Variants in PIK3C2G observed in about 807,000 individuals in gnomAD.
The protein encoded by PIK3C2G is phosphatidylinositol 3-kinase C2 domain-containing subunit gamma.
Under a neutral mutation model 181.1 loss-of-function variants are expected in PIK3C2G, and 168 were observed. The ratio of observed to expected loss-of-function variants is 0.93; its 90% CI spans 0.82 to 1.05. The LOEUF (loss-of-function observed/expected upper bound fraction) is 1.05. Ranked by LOEUF, PIK3C2G falls within the 50% of genes least tolerant of loss-of-function variation. The pLI is 0.00. For synonymous variants in PIK3C2G, 573 were observed against 592.2 expected (o/e 0.97, Z 0.47); for missense variants, 1,869 against 1,732.8 (o/e 1.08, Z -1.40).
At chr12:18,716,386 A>G in the PIK3C2G span, among the ~76,000 whole-genome samples, 1,794 of 152,298 alleles carry the variant, frequency 0.012, 50 homozygotes, top group African/African-American at 0.042. Flanking sequence ...TTCAGACTAC[A>G]TGGTTTGGTC....
At chr12:18,676,051 A>G in the PIK3C2G span, among the ~76,000 whole-genome samples, 10 of 152,078 alleles carry the variant, frequency 6.6e-5, no homozygotes, top group Non-Finnish European at 1.0e-4. Context: ...AAATTATACC[A>G]TCAACACGAG....
the PIK3C2G span, chr12:18,693,129 G>A: frequency 6.6e-7 from 1 of 1,517,814 alleles, no homozygotes; most frequent in Non-Finnish European, 9.1e-7. Context: ...GATCATTGAT[G>A]ACAATCATGC....
chr12:18,332,372 A>G lies in PIK3C2G; in HGVS notation c.1273-6054A>G, dbSNP rs1405633959. 3.3e-5 allele frequency among the ~76,000 whole-genome samples: 5 copies of G among 152,130 alleles called. No individual in the cohort carries two copies. The East Asian group carries it at 9.7e-4, about 30-fold the overall frequency. On this transcript the variant is annotated intron_variant, in intron 8 of 32. Coordinates refer to ENST00000538779, the MANE Select transcript of PIK3C2G (RefSeq NM_001288772.2). ...CTATTTTGGCAGTGGGGACAAGGAGAGTTCTGTGTTGTAATGAACCAGTCA... is the reference window on the plus strand; with the variant it reads ...CTATTTTGGCAGTGGGGACAAGGAGGGTTCTGTGTTGTAATGAACCAGTCA...
chr12:18,484,059 C>T (rs902814888), intron 18 of PIK3C2G, among the ~76,000 whole-genome samples: 1 of 152,168 alleles, frequency 6.6e-6, no homozygotes, highest in African/African-American at 2.4e-5. Flanking sequence ...CCATTTAAAG[C>T]GTCTCCATGG....
At chr12:18,437,107 C>G (rs185546331) in intron 18 of PIK3C2G, among the ~76,000 whole-genome samples, 1 of 151,870 alleles carries the variant, frequency 6.6e-6, no homozygotes, top group South Asian at 2.1e-4. Flanking sequence ...TGTGAAGACT[C>G]AGAGTTCTCT....
chr12:18,601,555 A>G (rs982006787), intron 30 of PIK3C2G, among the ~76,000 whole-genome samples: 1 of 152,128 alleles, frequency 6.6e-6, no homozygotes, highest in Non-Finnish European at 1.5e-5. Context: ...AGGGTTCTAT[A>G]CTACGTAGGA....
intron 16 of PIK3C2G, among the ~76,000 whole-genome samples, chr12:18,405,355 A>G (rs1944465295): frequency 6.6e-6 from 1 of 152,130 alleles, no homozygotes; most frequent in South Asian, 2.1e-4. Flanking sequence ...GAGGAAGTAT[A>G]GAAAGAGGCC....
At chr12:18,364,714 A>T (rs1456056321) in intron 12 of PIK3C2G, among the ~76,000 whole-genome samples, 1 of 152,094 alleles carries the variant, frequency 6.6e-6, no homozygotes, top group African/African-American at 2.4e-5. Context: ...CCTGGCCAAC[A>T]TGGTGAAACT....
chr12:18,519,102 G>A (rs1214997566), intron 24 of PIK3C2G, among the ~76,000 whole-genome samples: 2 of 152,034 alleles, frequency 1.3e-5, no homozygotes, highest in African/African-American at 4.8e-5. Flanking sequence ...GAGAGATCGT[G>A]TTATGATTTC....
chr12:18,294,164 T>C (rs1949835719), intron 5 of PIK3C2G, 149 bp downstream of exon 5: 1 of 544,874 alleles, frequency 1.8e-6, no homozygotes, highest in African/African-American at 2.0e-5. Flanking sequence ...GAATTTGAAA[T>C]TTTCTAAATC....
the PIK3C2G span, among the ~76,000 whole-genome samples, chr12:18,691,895 A>G: frequency 1.3e-5 from 2 of 152,184 alleles, no homozygotes; most frequent in African/African-American, 4.8e-5. Context: ...GGATCATTCT[A>G]GTCCTGGTCA....
At chr12:18,718,358 C>T in the PIK3C2G span, among the ~76,000 whole-genome samples, 2 of 152,212 alleles carry the variant, frequency 1.3e-5, no homozygotes, top group East Asian at 3.9e-4. Context: ...CATTCCTCCA[C>T]ATTATTGAAT....
intron 18 of PIK3C2G, among the ~76,000 whole-genome samples, chr12:18,452,839 G>A (rs1338315193): frequency 6.6e-6 from 1 of 152,124 alleles, no homozygotes. Context: ...AGTCATTCAG[G>A]AGCAGGTTGT....
chr12:18,370,276 A>G (rs188548024), intron 12 of PIK3C2G, among the ~76,000 whole-genome samples: 27 of 152,260 alleles, frequency 1.8e-4, no homozygotes, highest in East Asian at 1.2e-3. Flanking sequence ...CCTTCTGGAC[A>G]CTTCCTTACA....
chr12:18,496,051 T>A lies in PIK3C2G; in HGVS notation c.2794-11T>A. ...TTTGCTCACTAGTTTTCCCTTTTTC[T>A]TTTCCTATAGGCATGTTCATATTTT... On this transcript the variant is annotated splice_polypyrimidine_tract_variant and intron_variant, in intron 20 of 32. Transcript: ENST00000538779. The A allele has an allele frequency of 7.0e-7, 1 of 1,429,992 alleles. No individual in the cohort carries two copies. Among genetic ancestry groups the A allele is most frequent in the Non-Finnish European group, 9.4e-7 (1 of 1,061,616 alleles). The allele number at this position is 1,429,992 out of a possible 1,614,324, so 88.6% of individuals were successfully genotyped here. A position where few individuals can be genotyped will look rare whatever the true frequency, so the allele number is the denominator to read the frequency against.
chr12:18,258,041 G>A (rs1229470357), upstream of PIK3C2G, among the ~76,000 whole-genome samples: 1 of 152,112 alleles, frequency 6.6e-6, no homozygotes, highest in African/African-American at 2.4e-5. Flanking sequence ...AGTAAGGCAT[G>A]TCCACTTGGC....
the PIK3C2G span, among the ~76,000 whole-genome samples, chr12:18,703,162 T>C: frequency 1.3e-5 from 2 of 152,212 alleles, no homozygotes; most frequent in African/African-American, 2.4e-5. Context: ...TTTGATGATA[T>C]GTTTCGAAAT....
intron 16 of PIK3C2G, among the ~76,000 whole-genome samples, chr12:18,413,969 T>C (rs1945020127): frequency 6.6e-6 from 1 of 152,152 alleles, no homozygotes; most frequent in Non-Finnish European, 1.5e-5. Flanking sequence ...AAAGAGTGTT[T>C]AAATAATTTC....
intron 22 of PIK3C2G, 36 bp downstream of exon 22, chr12:18,497,784 AT>A: frequency 1.3e-6 from 2 of 1,497,258 alleles, no homozygotes; most frequent in Non-Finnish European, 1.8e-6. Flanking sequence ...GGCTCACATT[AT>A]TTATTTCACA....
Sources: allele counts gnomAD v4.1 joint callset (sites outside exome capture counted in the v4.1 genomes callset), GRCh38; gene constraint gnomAD v4.1.1; transcripts MANE v1.5; gene names NCBI Gene and HGNC (gene_info 2026-07-23, HGNC 2026-07-21).